STXBP5L: variants seen among roughly 807,000 people sequenced by gnomAD.
STXBP5L encodes the protein syntaxin-binding protein 5-like.
In STXBP5L, 65 loss-of-function variants were observed where a neutral mutation model predicts 144.5. The ratio of observed to expected loss-of-function variants is 0.45; its 90% CI spans 0.37 to 0.55. The LOEUF (loss-of-function observed/expected upper bound fraction) is 0.55. Ranked by LOEUF, STXBP5L falls within the 20% of genes least tolerant of loss-of-function variation. STXBP5L has a pLI of 0.00. For missense variants in STXBP5L, 1,298 were observed against 1,405.5 expected, an observed-to-expected ratio of 0.92 and a Z score of 1.22; for synonymous variants, 505 against 469.6, an observed-to-expected ratio of 1.08 and a Z score of -0.97.
chr3:121,107,853 GT>G (rs1051163788), intron 5 of STXBP5L, among the ~76,000 whole-genome samples: 2 of 152,122 alleles, frequency 1.3e-5, no homozygotes, highest in East Asian at 3.9e-4. Flanking sequence ...GGCATGGAAT[GT>G]TTTTTCCATT....
At chr3:121,247,170 G>A (rs991979839) in intron 14 of STXBP5L, among the ~76,000 whole-genome samples, 1 of 152,096 alleles carries the variant, frequency 6.6e-6, no homozygotes, top group African/African-American at 2.4e-5. Context: ...ATATACATAT[G>A]GTTCTATTTC....
chr3:121,081,543 C>A (rs2042248239), intron 5 of STXBP5L, among the ~76,000 whole-genome samples: 1 of 152,166 alleles, frequency 6.6e-6, no homozygotes, highest in African/African-American at 2.4e-5. Context: ...GGTATATGGG[C>A]AAGTTTACTG....
intron 3 of STXBP5L, among the ~76,000 whole-genome samples, chr3:120,972,878 A>C (rs935911588): frequency 6.6e-6 from 1 of 152,022 alleles, no homozygotes; most frequent in African/African-American, 2.4e-5. Context: ...AAATTTATTG[A>C]TTTGCATATG....
At chr3:121,253,688 G>A (rs1368733005) in intron 15 of STXBP5L, among the ~76,000 whole-genome samples, 1 of 150,062 alleles carries the variant, frequency 6.7e-6, no homozygotes, top group Admixed American at 6.6e-5. Flanking sequence ...GAGTGCAGTG[G>A]CGCAGTCTCG....
At chr3:121,268,395 G>A (rs2050640479) in intron 18 of STXBP5L, among the ~76,000 whole-genome samples, 1 of 152,092 alleles carries the variant, frequency 6.6e-6, no homozygotes, top group Admixed American at 6.5e-5. Context: ...TCACACACTG[G>A]GACCTGTCAG....
At chr3:120,999,724 T>C (rs1943623696) in intron 3 of STXBP5L, among the ~76,000 whole-genome samples, 1 of 152,200 alleles carries the variant, frequency 6.6e-6, no homozygotes, top group African/African-American at 2.4e-5. Context: ...TCTTTCATTT[T>C]CAGGATTAGC....
chr3:121,041,807 A>G, intron 4 of STXBP5L, 26 bp downstream of exon 4: 1 of 1,451,554 alleles, frequency 6.9e-7, no homozygotes, highest in Non-Finnish European at 9.7e-7. Flanking sequence ...TGACTACTTA[A>G]ATCACACACT....
intron 2 of STXBP5L, among the ~76,000 whole-genome samples, chr3:120,921,553 C>A (rs1474595778): frequency 6.6e-6 from 1 of 152,024 alleles, no homozygotes; most frequent in South Asian, 2.1e-4. Flanking sequence ...ATTGCCTAGA[C>A]TGATGTCTTG....
chr3:121,012,099 A>T (rs150481643), intron 3 of STXBP5L, among the ~76,000 whole-genome samples: 8 of 152,018 alleles, frequency 5.3e-5, no homozygotes, highest in African/African-American at 1.7e-4. Flanking sequence ...GACTTATTTC[A>T]TTTAATATAA....
In STXBP5L at chr3:121,422,397, T is replaced by C. The variant is rs947867956; in HGVS notation, c.*3300T>C. 6.6e-6 allele frequency: 1 copy of C among 152,206 alleles called. No individual in the cohort carries two copies. Among genetic ancestry groups the C allele is most frequent in the Non-Finnish European group, 1.5e-5 (1 of 68,028 alleles). 9.4% of individuals were successfully genotyped at this position (152,206 alleles called of 1,614,324 possible). The stretch of plus-strand genomic sequence containing the variant: ...GTCTCCCTATGATTTCCTTGGAAGA[T>C]AAGGCCTTTTTAGTGTTACAGTAGA... On this transcript the variant is annotated 3_prime_UTR_variant, in exon 27 of 27. Coordinates refer to ENST00000471454, the MANE Select transcript of STXBP5L (RefSeq NM_001308330.2).
intron 9 of STXBP5L, among the ~76,000 whole-genome samples, chr3:121,197,437 C>T (rs2108197977): frequency 6.6e-6 from 1 of 152,032 alleles, no homozygotes. Flanking sequence ...TTGTACTCCT[C>T]CTTTACTGAT....
chr3:121,340,753 A>G (rs2044679807), intron 20 of STXBP5L, among the ~76,000 whole-genome samples: 10 of 152,130 alleles, frequency 6.6e-5, no homozygotes, highest in Admixed American at 6.6e-4. Flanking sequence ...TTGCTCATAC[A>G]TTAAGTAGAA....
chr3:120,966,005 C>T (rs1939525238), intron 3 of STXBP5L, among the ~76,000 whole-genome samples: 1 of 152,098 alleles, frequency 6.6e-6, no homozygotes, highest in South Asian at 2.1e-4. Context: ...CTAAACTTCT[C>T]CTGTGACTTT....
At chr3:121,096,124 A>G (rs573128065) in intron 5 of STXBP5L, among the ~76,000 whole-genome samples, 51 of 152,084 alleles carry the variant, frequency 3.4e-4, no homozygotes, top group Non-Finnish European at 6.6e-4. Context: ...CCACTGTCTG[A>G]CAATCCCCAG....
chr3:121,164,458 T>C (rs1250644415), intron 9 of STXBP5L, among the ~76,000 whole-genome samples: 1 of 152,154 alleles, frequency 6.6e-6, no homozygotes, highest in Non-Finnish European at 1.5e-5. Flanking sequence ...GTACAGTCAT[T>C]ATGGAAAACT....
intron 23 of STXBP5L, among the ~76,000 whole-genome samples, chr3:121,411,199 A>C (rs1382246304): frequency 1.3e-5 from 2 of 152,110 alleles, no homozygotes; most frequent in Non-Finnish European, 2.9e-5. Context: ...GCCACGTATC[A>C]ACTGCTCAAT....
At chr3:121,010,620 ACT>A (rs1944701992) in intron 3 of STXBP5L, among the ~76,000 whole-genome samples, 1 of 151,448 alleles carries the variant, frequency 6.6e-6, no homozygotes, top group Non-Finnish European at 1.5e-5. Context: ...ACAACTTTTG[ACT>A]CTACAAAAAC....
intron 20 of STXBP5L, among the ~76,000 whole-genome samples, chr3:121,348,367 T>A (rs1351333547): frequency 6.6e-6 from 1 of 152,196 alleles, no homozygotes; most frequent in Non-Finnish European, 1.5e-5. Context: ...GCCAGTATTT[T>A]ATTGAGGATT....
chr3:121,360,043 A>ATATATATAT, intron 20 of STXBP5L, among the ~76,000 whole-genome samples: 1 of 145,240 alleles, frequency 6.9e-6, no homozygotes, highest in African/African-American at 2.5e-5. Flanking sequence ...ATATAATATA[A>ATATATATAT]TATATAGTAA....
Sources: allele counts gnomAD v4.1 joint callset (sites outside exome capture counted in the v4.1 genomes callset), GRCh38; gene constraint gnomAD v4.1.1; transcripts MANE v1.5; gene names NCBI Gene and HGNC (gene_info 2026-07-23, HGNC 2026-07-21).